The following ARB2A variants were observed in gnomAD, a reference collection of about 807,000 sequenced individuals.
The protein encoded by ARB2A is cotranscriptional regulator ARB2A.
At chr5:93,964,567 T>A in the ARB2A span, 2 of 1,403,290 alleles carry the variant, frequency 1.4e-6, no homozygotes, top group Non-Finnish European at 1.9e-6. Flanking sequence ...ATGTCATCCA[T>A]TATCAAAACT....
the ARB2A span, among the ~76,000 whole-genome samples, chr5:93,899,766 A>G: frequency 2.5e-4 from 38 of 152,310 alleles, no homozygotes; most frequent in African/African-American, 8.2e-4. Context: ...AGCCGGTTAA[A>G]TGTCACATAG....
the ARB2A span, among the ~76,000 whole-genome samples, chr5:93,694,984 A>G: frequency 6.6e-6 from 1 of 152,348 alleles, no homozygotes; most frequent in South Asian, 2.1e-4. Flanking sequence ...CTGGCTAGCC[A>G]TATGCAGAAA....
the ARB2A span, among the ~76,000 whole-genome samples, chr5:94,083,773 AATGAT>A: frequency 6.6e-6 from 1 of 152,044 alleles, no homozygotes; most frequent in African/African-American, 2.4e-5. Flanking sequence ...ATTATTTTCA[AATGAT>A]ATAACTATCT....
chr5:93,736,675 C>T, the ARB2A span: 1 of 152,070 alleles, frequency 6.6e-6, no homozygotes, highest in Non-Finnish European at 1.5e-5. Flanking sequence ...TGGTAGTTAG[C>T]ATAATCTTAT....
At chr5:93,636,300 A>G in the ARB2A span, among the ~76,000 whole-genome samples, 8 of 152,344 alleles carry the variant, frequency 5.3e-5, no homozygotes, top group East Asian at 1.9e-4. Flanking sequence ...GATAATTGAT[A>G]TATTTAAAAT....
At chr5:93,964,540 T>G in the ARB2A span, 5 of 1,538,516 alleles carry the variant, frequency 3.2e-6, no homozygotes, top group Non-Finnish European at 4.4e-6. Context: ...AGGAAAGAAA[T>G]AACACATTAA....
chr5:93,868,398 T>A, the ARB2A span, among the ~76,000 whole-genome samples: 5 of 152,216 alleles, frequency 3.3e-5, no homozygotes, highest in African/African-American at 1.2e-4. Flanking sequence ...ATTGCCATGC[T>A]ATGTCACACA....
At chr5:93,830,311 G>GTGTATGTGTGTGGA in the ARB2A span, among the ~76,000 whole-genome samples, 1 of 82,260 alleles carries the variant, frequency 1.2e-5, no homozygotes. Context: ...GTGTGTGTGT[G>GTGTATGTGTGTGGA]TATATATATA....
chr5:93,636,866 C>T, the ARB2A span, among the ~76,000 whole-genome samples: 1 of 152,182 alleles, frequency 6.6e-6, no homozygotes, highest in East Asian at 1.9e-4. Flanking sequence ...TATGATTACA[C>T]TTTTTGAGAC....
the ARB2A span, among the ~76,000 whole-genome samples, chr5:93,819,597 T>C: frequency 6.6e-6 from 1 of 152,226 alleles, no homozygotes; most frequent in African/African-American, 2.4e-5. Flanking sequence ...TTGATCACAT[T>C]ATGCAGATAT....
chr5:93,949,805 C>T, the ARB2A span, among the ~76,000 whole-genome samples: 1 of 152,058 alleles, frequency 6.6e-6, no homozygotes, highest in Non-Finnish European at 1.5e-5. Context: ...CATTATCATT[C>T]CCAGCCTCAG....
the ARB2A span, among the ~76,000 whole-genome samples, chr5:93,625,671 T>G: frequency 1.3e-5 from 2 of 152,138 alleles, no homozygotes; most frequent in Non-Finnish European, 2.9e-5. Flanking sequence ...GATTAGAAAC[T>G]CTAAGAATCA....
the ARB2A span, among the ~76,000 whole-genome samples, chr5:93,819,062 T>G: frequency 1.3e-5 from 2 of 151,092 alleles, no homozygotes; most frequent in Non-Finnish European, 2.9e-5. Context: ...GGCGCGTGCC[T>G]GTAGTCCCAG....
chr5:93,798,567 T>G, the ARB2A span, among the ~76,000 whole-genome samples: 3 of 152,138 alleles, frequency 2.0e-5, no homozygotes, highest in Admixed American at 6.6e-5. Context: ...AAATATTATT[T>G]GTAATAATGG....
chr5:93,989,017 C>T, the ARB2A span, among the ~76,000 whole-genome samples: 1 of 151,968 alleles, frequency 6.6e-6, no homozygotes, highest in Non-Finnish European at 1.5e-5. Flanking sequence ...GAGTGAGATG[C>T]AAAACTGGAA....
At chr5:94,100,772 T>C in the ARB2A span, among the ~76,000 whole-genome samples, 5 of 152,204 alleles carry the variant, frequency 3.3e-5, no homozygotes, top group South Asian at 1.0e-3. Context: ...CCTTATACCA[T>C]ATACAAGAAT....
the ARB2A span, among the ~76,000 whole-genome samples, chr5:93,775,205 A>T: frequency 1.9e-4 from 29 of 152,318 alleles, no homozygotes; most frequent in African/African-American, 7.0e-4. Flanking sequence ...AATTATAACA[A>T]TAGTTCTATA....
At chr5:93,748,788 A>T in the ARB2A span, among the ~76,000 whole-genome samples, 18 of 152,142 alleles carry the variant, frequency 1.2e-4, no homozygotes, top group Admixed American at 6.5e-5. Context: ...AATTTTATTT[A>T]GTACACTGTA....
chr5:93,859,362 A>T, the ARB2A span, among the ~76,000 whole-genome samples: 1 of 152,264 alleles, frequency 6.6e-6, no homozygotes, highest in African/African-American at 2.4e-5. Flanking sequence ...CAAACGTAAA[A>T]GTTAACTCTA....
Sources: allele counts gnomAD v4.1 joint callset (sites outside exome capture counted in the v4.1 genomes callset), GRCh38; gene constraint gnomAD v4.1.1; transcripts MANE v1.5; gene names NCBI Gene and HGNC (gene_info 2026-07-23, HGNC 2026-07-21).